Variants in ZNF382 observed in about 807,000 individuals in gnomAD.
ZNF382 encodes the protein KRAB/zinc finger suppressor protein 1.
A neutral mutation model predicts 38.8 loss-of-function variants in ZNF382; 20 were observed. The observed-to-expected ratio is 0.51, with a 90% CI of 0.36 to 0.75. ZNF382 has a LOEUF of 0.75. ZNF382 is among the 30% of genes least tolerant of loss of function. The pLI, the probability that ZNF382 is intolerant of heterozygous loss-of-function variation, is 0.00. For missense variants in ZNF382, 546 were observed against 654.1 expected, an observed-to-expected ratio of 0.83 and a Z score of 1.80; for synonymous variants, 202 against 223.1, an observed-to-expected ratio of 0.91 and a Z score of 0.84.
At position 36,626,267 on chromosome 19, in the gene ZNF382, G is replaced by A. The variant is rs1303296612; in HGVS notation, c.370G>A (p.Gly124Ser). The change falls in exon 5 of 5, where the codon GGC (glycine) becomes AGC (serine). Residue 124 changes from glycine (G) to serine (S), a missense_variant. By Grantham distance (56) the Gly-to-Ser change is moderately conservative. Transcript: ENST00000292928. ...SNIYGKTFTL[G>S]KNRISKTILC... is the part of the protein sequence containing the mutation. ...TATTTATGGTAAAACATTTACTCTA[G>A]GCAAGAACCGTATTTCAAAAACAAT... 6.2e-7 allele frequency: 1 copy of A among 1,604,160 alleles called. No individual in the cohort carries two copies. Among genetic ancestry groups the A allele is most frequent in the East Asian group, 2.2e-5 (1 of 44,760 alleles).
chr19:36,614,903 C>T (rs954559793), intron 4 of ZNF382, among the ~76,000 whole-genome samples: 3 of 70,302 alleles, frequency 4.3e-5, no homozygotes, highest in East Asian at 2.5e-4. Context: ...CCTTTCCTTT[C>T]CTTTCCTTTC....
Position 36,607,633 on chromosome 19 carries a change from G to A in ZNF382, c.-14+11G>A, listed in dbSNP as rs1301356105. ...AAAGCCATGTCTCAGGTGAGATGAT[G>A]TTTCCTCTCTTTCTGAAATAACTTT... On this transcript the variant is annotated intron_variant, in intron 2 of 4. Coordinates refer to ENST00000292928, the MANE Select transcript of ZNF382 (RefSeq NM_032825.5). 7 of 1,519,260 alleles carry A rather than the reference G, an allele frequency of 4.6e-6. No individual in the cohort carries two copies. The South Asian group carries it at 8.6e-5, about 19-fold the overall frequency. The allele number at this position is 1,519,260 out of a possible 1,614,324, so 94.1% of individuals were successfully genotyped here.
rs7251805 is a variant in ZNF382, at chr19:36,632,102, T to G, written c.*4552T>G. 0.35 allele frequency: 53,669 copies of G among 152,134 alleles called. 9,624 individuals are homozygous for G. The highest frequency in any genetic ancestry group is 0.57 in the East Asian group (2,954 of 5,158). The allele number at this position is 152,134 out of a possible 1,614,324, so 9.4% of individuals were successfully genotyped here. A position where few individuals can be genotyped will look rare whatever the true frequency, so the allele number is the denominator to read the frequency against. Reference sequence around the variant, plus strand: ...TTTTATTCACACACAGACCGCACACTGTCTCTGAACTGAAGCACTAAGACC... The same window carrying G: ...TTTTATTCACACACAGACCGCACACGGTCTCTGAACTGAAGCACTAAGACC... On this transcript the variant is annotated 3_prime_UTR_variant, in exon 5 of 5. Coordinates refer to ENST00000292928, the MANE Select transcript of ZNF382 (RefSeq NM_032825.5).
intron 4 of ZNF382, among the ~76,000 whole-genome samples, chr19:36,612,723 A>G (rs2037088238): frequency 6.6e-6 from 1 of 152,210 alleles, no homozygotes; most frequent in African/African-American, 2.4e-5. Context: ...ATAATGTTGA[A>G]AACTTTTTCA....
chr19:36,623,688 G>A (rs953602591), intron 4 of ZNF382, among the ~76,000 whole-genome samples: 47 of 151,992 alleles, frequency 3.1e-4, no homozygotes, highest in African/African-American at 1.0e-3. Flanking sequence ...CAGCTACTCA[G>A]GAGGTCGAGG....
At chr19:36,607,531 C>G in intron 1 of ZNF382, 21 bp from the exon 2 acceptor site, 1 of 1,410,948 alleles carries the variant, frequency 7.1e-7, no homozygotes. Flanking sequence ...ATACGTATAT[C>G]CTCCATCTTT....
chr19:36,622,283 A>G (rs1254971827), intron 4 of ZNF382, among the ~76,000 whole-genome samples: 1 of 152,128 alleles, frequency 6.6e-6, no homozygotes, highest in Non-Finnish European at 1.5e-5. Context: ...GGCCTCCCAA[A>G]GTGCTGGAAT....
chr19:36,614,074 T>C (rs2037101027), intron 4 of ZNF382, among the ~76,000 whole-genome samples: 1 of 152,118 alleles, frequency 6.6e-6, no homozygotes, highest in Non-Finnish European at 1.5e-5. Context: ...GCATGGTGGC[T>C]CATGCCTGTA....
intron 4 of ZNF382, among the ~76,000 whole-genome samples, chr19:36,622,024 AT>A (rs11379806): frequency 1.3e-3 from 195 of 145,554 alleles, no homozygotes; most frequent in African/African-American, 2.3e-3. Context: ...AGGTTCGATA[AT>A]TTTTTTTTTT....
chr19:36,624,637 G>A (rs2037195764), intron 4 of ZNF382, among the ~76,000 whole-genome samples: 12 of 152,028 alleles, frequency 7.9e-5, no homozygotes, highest in Admixed American at 7.9e-4. Context: ...TGTATTGGGA[G>A]GAAAACTCAA....
Position 36,622,552 on chromosome 19 carries a change from C to T in ZNF382, c.233-3578C>T, listed in dbSNP as rs368624827. ...ATACATACAGAGTACCACCAACCAG[C>T]GAAGCTCAGCACAGCCTCAGTGTCC... is the stretch of plus-strand genomic sequence containing the variant. On this transcript the variant is annotated intron_variant, in intron 4 of 4. Coordinates refer to ENST00000292928, the MANE Select transcript of ZNF382 (RefSeq NM_032825.5). 4.3e-4 allele frequency among the ~76,000 whole-genome samples: 66 copies of T among 152,250 alleles called. No homozygotes were observed. The East Asian group carries it at 5.6e-3, about 13-fold the overall frequency.
At chr19:36,616,028 T>C (rs1194234794) in intron 4 of ZNF382, among the ~76,000 whole-genome samples, 1 of 152,190 alleles carries the variant, frequency 6.6e-6, no homozygotes, top group Non-Finnish European at 1.5e-5. Context: ...AACATTTCAC[T>C]TATATAAACA....
In ZNF382 at chr19:36,609,890, C is replaced by T. The variant is rs749621709; in HGVS notation, c.-13-12C>T. On this transcript the variant is annotated splice_polypyrimidine_tract_variant and intron_variant, in intron 2 of 4. Coordinates refer to ENST00000292928, the MANE Select transcript of ZNF382 (RefSeq NM_032825.5). ...CCAATATCTAGTTCTCACACATTTC[C>T]GATCACTTCAGGATGAACTAGAGTA... is the stretch of plus-strand genomic sequence containing the variant. 22 of 1,576,168 alleles carry T rather than the reference C, an allele frequency of 1.4e-5. No homozygotes were observed. The highest frequency in any genetic ancestry group is 2.7e-5 in the African/African-American group (2 of 72,954).
Position 36,626,440 on chromosome 19 carries a change from T to A in ZNF382, c.543T>A (p.Pro181=). The change falls in exon 5 of 5, where the codon CCT becomes CCA. Residue 181 remains proline (P), a synonymous_variant. Transcript: ENST00000292928. ...ATACCAAGCATGAGAAAATTCATCCTGCAGTGAATCTCCATAAACAAACAG... is the reference window on the plus strand; with the variant it reads ...ATACCAAGCATGAGAAAATTCATCCAGCAGTGAATCTCCATAAACAAACAG... ...LLNTKHEKIH[P]AVNLHKQTER... is the part of the protein sequence containing the mutation. 1 of 1,606,542 alleles carries A rather than the reference T, an allele frequency of 6.2e-7. No homozygotes were observed. The highest frequency in any genetic ancestry group is 1.7e-4 in the Middle Eastern group (1 of 6,000).
chr19:36,605,427 C>T (rs1452896762), intron 1 of ZNF382, 80 bp downstream of exon 1: 3 of 152,446 alleles, frequency 2.0e-5, no homozygotes, highest in African/African-American at 4.8e-5. Context: ...GACGCGGAAC[C>T]GGGTGGGGAG....
chr19:36,627,461 T>G lies in ZNF382; in HGVS notation c.1564T>G (p.Cys522Gly), dbSNP rs1434268393. ...TCACACAGGCGAGAAACCATATGAA[T>G]GTAAACAGTGTGGGAAGTTCTTCAG... ...KTHTGEKPYE[C>G]KQCGKFFSCK... The change falls in exon 5 of 5, where the codon TGT becomes GGT. Residue 522 changes from cysteine (C) to glycine (G), a missense_variant. By Grantham distance (159) the Cys-to-Gly change is radical. Coordinates refer to ENST00000292928, the MANE Select transcript of ZNF382 (RefSeq NM_032825.5). The G allele has an allele frequency of 1.2e-6, 2 of 1,614,168 alleles. No homozygotes were observed. Among genetic ancestry groups the G allele is most frequent in the Non-Finnish European group, 1.7e-6 (2 of 1,180,028 alleles).
chr19:36,610,846 C>T (rs1049473077), intron 4 of ZNF382, 104 bp downstream of exon 4: 1 of 792,782 alleles, frequency 1.3e-6, no homozygotes, highest in Non-Finnish European at 2.0e-6. Context: ...ATACACATAA[C>T]ATTAAATATG....
At chr19:36,611,345 A>G (rs755468485) in intron 4 of ZNF382, among the ~76,000 whole-genome samples, 22 of 152,124 alleles carry the variant, frequency 1.4e-4, no homozygotes, top group Non-Finnish European at 7.4e-5. Flanking sequence ...AGCCATGCCA[A>G]CCACCATTCT....
rs1164537732 is a variant in ZNF382, at chr19:36,609,789, C to T, written c.-13-113C>T. Reference sequence around the variant, plus strand: ...AAGTAAATACAAATGGATGTATTTTCAGAGAGAATTTTATGCAATATAAAA... The same window carrying T: ...AAGTAAATACAAATGGATGTATTTTTAGAGAGAATTTTATGCAATATAAAA... On this transcript the variant is annotated intron_variant, in intron 2 of 4. Transcript: ENST00000292928. 3.4e-5 allele frequency: 32 copies of T among 944,874 alleles called. No homozygotes were observed. In the South Asian group the frequency reaches 6.7e-4, roughly 20 times the overall value. 58.5% of individuals were successfully genotyped at this position (944,874 alleles called of 1,614,324 possible).
Sources: gnomAD v4.1 joint callset for allele counts (sites outside exome capture counted in the v4.1 genomes callset) on GRCh38, gnomAD v4.1.1 for gene constraint, MANE v1.5 for transcripts, NCBI Gene and HGNC (gene_info 2026-07-23, HGNC 2026-07-21) for gene names.